The following NEB variants were observed in gnomAD, a reference collection of about 807,000 sequenced individuals.
The protein encoded by NEB is nebulin.
A neutral mutation model predicts 952.2 loss-of-function variants in NEB; 512 were observed. That is an observed-to-expected ratio of 0.54 (90% confidence interval 0.50 to 0.58). NEB has a LOEUF of 0.58. NEB is among the 20% of genes least tolerant of loss of function. NEB has a pLI of 0.00. For synonymous variants in NEB, 2,900 were observed against 3,149.8 expected (o/e 0.92, Z 2.66); for missense variants, 8,428 against 9,231.1 (o/e 0.91, Z 3.56).
chr2:151,704,854 G>C (rs1237819900), intron 13 of NEB, among the ~76,000 whole-genome samples: 4 of 152,252 alleles, frequency 2.6e-5, no homozygotes, highest in African/African-American at 9.6e-5. Context: ...GCTGTAGACC[G>C]GAGCTGTTCC....
At position 151,690,719 on chromosome 2, in the gene NEB, G is replaced by A. The variant is rs1349432441; in HGVS notation, c.2310+8C>T. 6.4e-7 allele frequency: 1 copy of A among 1,571,536 alleles called. No homozygotes were observed. Among genetic ancestry groups the A allele is most frequent in the East Asian group, 2.3e-5 (1 of 43,524 alleles). ...GTCACCCACGCTTGCATAAATCAAA[G>A]CACTTACATCACTAAGCTGTTTCGT... On this transcript the variant is annotated splice_region_variant and intron_variant, in intron 24 of 181. Transcript: ENST00000397345.
chr2:151,609,055 A>C (rs1446847548), intron 81 of NEB, among the ~76,000 whole-genome samples: 1 of 150,124 alleles, frequency 6.7e-6, no homozygotes, highest in African/African-American at 2.4e-5. Context: ...ATGAAAGTAC[A>C]TCATTGTGAC....
Position 151,553,878 on chromosome 2 carries a change from C to A in NEB, c.19576G>T (p.Asp6526Tyr), listed in dbSNP as rs201731351. Residue 6526 changes from aspartate to tyrosine, a missense_variant, in exon 126 of 182, where the codon GAC becomes TAC. By Grantham distance (160) the Asp-to-Tyr change is radical. This residue lies in a region of NEB where 3,374 missense variants were observed against 3,651.5 expected (regional missense o/e 0.92). Coordinates refer to ENST00000397345, the MANE Select transcript of NEB (RefSeq NM_001164508.2). ...LRLHEWICHP[D>Y]LQVNDHVRKV... is the part of the protein sequence containing the mutation. ...CTGACGTGATCATTGACTTGCAAGTCGGGGTGGCAAATCCATTCGTGGAGG... is the reference window on the plus strand; with the variant it reads ...CTGACGTGATCATTGACTTGCAAGTAGGGGTGGCAAATCCATTCGTGGAGG... The A allele has an allele frequency of 3.1e-6, 5 of 1,613,594 alleles. No homozygotes were observed. Among genetic ancestry groups the A allele is most frequent in the Non-Finnish European group, 4.2e-6 (5 of 1,179,686 alleles).
intron 78 of NEB, among the ~76,000 whole-genome samples, chr2:151,611,205 T>G (rs2097942579): frequency 6.6e-6 from 1 of 152,154 alleles, no homozygotes; most frequent in Admixed American, 6.6e-5. Context: ...TCCCTAGACT[T>G]CAGAGTCAAT....
intron 150 of NEB, 36 bp downstream of exon 150, chr2:151,525,922 T>G: frequency 1.2e-5 from 18 of 1,491,194 alleles, no homozygotes; most frequent in East Asian, 2.3e-5. Context: ...TCAAGTGGCA[T>G]TGTTGCTGCC....
At chr2:151,675,161 A>T in intron 35 of NEB, 126 bp downstream of exon 35, 1 of 740,652 alleles carries the variant, frequency 1.4e-6, no homozygotes, top group Non-Finnish European at 2.4e-6. Context: ...TCCTTATGGG[A>T]TATGTTCCAG....
chr2:151,550,444 C>T (rs2095248020), intron 129 of NEB, among the ~76,000 whole-genome samples: 2 of 151,962 alleles, frequency 1.3e-5, no homozygotes, highest in Admixed American at 6.6e-5. Context: ...GAAGATATAG[C>T]CAGGCACATG....
At chr2:151,571,461 C>A (rs1455242341) in intron 107 of NEB, among the ~76,000 whole-genome samples, 1 of 152,026 alleles carries the variant, frequency 6.6e-6, no homozygotes, top group Admixed American at 6.6e-5. Context: ...TTCTTTAATG[C>A]AATAATTCAA....
chr2:151,491,461 G>A (rs2056585385), intron 179 of NEB: 5 of 398,380 alleles, frequency 1.3e-5, no homozygotes, highest in Admixed American at 7.4e-5. Context: ...TGATAATAAT[G>A]GGAGACATGC....
chr2:151,719,818 GCAATAAGC>G (rs953024694), intron 9 of NEB, among the ~76,000 whole-genome samples: 1 of 142,890 alleles, frequency 7.0e-6, no homozygotes, highest in Non-Finnish European at 1.5e-5. Flanking sequence ...GGTGGAGGTT[GCAATAAGC>G]CAATAAGCCA....
rs922619160 is a variant in NEB, at chr2:151,502,850, T to C, written c.23871A>G (p.Pro7957=). The part of the protein sequence containing the change: ...LYKENLGKGI[P]TPITPEMERV... Reference sequence around the variant, plus strand: ...TCTCCATCTCTGGAGTGATAGGTGTTGGGATTCCTTTCCCCAAATTTTCTT... The same window carrying C: ...TCTCCATCTCTGGAGTGATAGGTGTCGGGATTCCTTTCCCCAAATTTTCTT... Residue 7957 remains proline, a synonymous_variant, in exon 167 of 182, where the codon CCA becomes CCG. Transcript: ENST00000397345. The C allele has an allele frequency of 1.2e-6, 2 of 1,607,304 alleles. No homozygotes were observed. Among genetic ancestry groups the C allele is most frequent in the Non-Finnish European group, 1.7e-6 (2 of 1,176,952 alleles).
chr2:151,627,550 A>G lies in NEB; in HGVS notation c.10116T>C (p.Ala3372=), dbSNP rs1202701502. The G allele has an allele frequency of 5.6e-6, 9 of 1,614,020 alleles. No homozygotes were observed. The highest frequency in any genetic ancestry group is 6.8e-6 in the Non-Finnish European group (8 of 1,179,872). Residue 3372 remains alanine (A), a synonymous_variant, in exon 69 of 182, where the codon GCT becomes GCC. Transcript: ENST00000397345. ...CLPDQNDVIH[A]RQAYDLQSDN... ...CGCTCTGGAGGTCATAGGCCTGCCG[A>G]GCATGGATGACATCATTCTGGTCGG... is the stretch of plus-strand genomic sequence containing the variant.
intron 138 of NEB, among the ~76,000 whole-genome samples, chr2:151,539,904 A>C (rs1184749112): frequency 1.3e-5 from 2 of 152,198 alleles, no homozygotes; most frequent in East Asian, 3.8e-4. Flanking sequence ...GTTTGGTTTT[A>C]TTTAATTATC....
rs750657732 is a variant in NEB, at chr2:151,654,016, T to G, written c.6891A>C (p.Lys2297Asn). ...PVDAISVQLAKASRDIASDYK... is the reference protein window; with the variant it reads ...PVDAISVQLANASRDIASDYK... Reference sequence around the variant, plus strand: ...CATCACTAGCAATGTCTCTTGAAGCTTTAGCTAGCTGTACAGAAATTGCAT... The same window carrying G: ...CATCACTAGCAATGTCTCTTGAAGCGTTAGCTAGCTGTACAGAAATTGCAT... The change falls in exon 52 of 182, where the codon AAA (lysine) becomes AAC (asparagine). Residue 2297 changes from lysine (K) to asparagine (N), a missense_variant. Transcript: ENST00000397345. 1 of 1,612,192 alleles carries G rather than the reference T, an allele frequency of 6.2e-7. No individual in the cohort carries two copies. The highest frequency in any genetic ancestry group is 1.1e-5 in the South Asian group (1 of 90,914).
chr2:151,618,998 G>A (rs190193237), intron 73 of NEB, among the ~76,000 whole-genome samples: 3 of 152,108 alleles, frequency 2.0e-5, no homozygotes, highest in South Asian at 2.1e-4. Flanking sequence ...AGTATTAGAC[G>A]ACTGGTTTCG....
At chr2:151,514,467 G>A (rs1180765680) in intron 158 of NEB, 39 bp from the exon 159 acceptor site, 5 of 1,439,292 alleles carry the variant, frequency 3.5e-6, no homozygotes, top group Admixed American at 1.7e-5. Flanking sequence ...TGACAAGAAA[G>A]CCCAGATTGA....
At chr2:151,685,057 A>G (rs2099483891) in intron 27 of NEB, 82 bp from the exon 28 acceptor site, 2 of 1,361,198 alleles carry the variant, frequency 1.5e-6, no homozygotes, top group African/African-American at 1.5e-5. Flanking sequence ...TAAACAATAA[A>G]TACAAGTTAG....
intron 124 of NEB, among the ~76,000 whole-genome samples, chr2:151,560,022 A>G (rs10497084): frequency 0.25 from 37,428 of 152,176 alleles, 5,547 homozygotes; most frequent in Admixed American, 0.39. Context: ...AAAGGCATAA[A>G]GAGTTAGAGG....
At chr2:151,695,815 T>A in intron 17 of NEB, 133 bp from the exon 18 acceptor site, 2 of 671,526 alleles carry the variant, frequency 3.0e-6, no homozygotes, top group South Asian at 1.8e-5. Flanking sequence ...GGGTAGGCCA[T>A]CTGCATTACT....
Sources: gnomAD v4.1 joint callset for allele counts (sites outside exome capture counted in the v4.1 genomes callset) on GRCh38, gnomAD v4.1.1 for gene constraint, gnomAD v4.1.1 regional missense constraint, MANE v1.5 for transcripts, NCBI Gene and HGNC (gene_info 2026-07-23, HGNC 2026-07-21) for gene names.